WNK1: variants seen among roughly 807,000 people sequenced by gnomAD.
WNK1 encodes serine/threonine-protein kinase WNK1.
WNK1 carries 38 observed loss-of-function variants against 222.8 expected under a neutral mutation model. That is an observed-to-expected ratio of 0.17 (90% CI 0.13 to 0.22). WNK1 has a LOEUF of 0.22. Among genes scored for constraint, WNK1 ranks in the 10% least tolerant of loss-of-function variants. The pLI is 1.00. For synonymous variants in WNK1, 1,090 were observed against 1,092.9 expected (o/e 1.00, Z 0.05); for missense variants, 2,348 against 2,918.4 (o/e 0.80, Z 4.50).
intron 2 of WNK1, among the ~76,000 whole-genome samples, chr12:821,042 G>GTTTTTTTTTTTTTT (rs60880879): frequency 2.5e-5 from 2 of 79,116 alleles, no homozygotes; most frequent in Non-Finnish European, 4.4e-5. Flanking sequence ...AGTTTCTTGA[G>GTTTTTTTTTTTTTT]TTTTTTTTTT....
At chr12:804,433 C>T (rs1377739981) in intron 1 of WNK1, among the ~76,000 whole-genome samples, 2 of 142,766 alleles carry the variant, frequency 1.4e-5, no homozygotes, top group Non-Finnish European at 3.1e-5. Flanking sequence ...TTTTTTTTGG[C>T]GCGATCTCAG....
At chr12:769,257 G>A (rs910906153) in intron 1 of WNK1, among the ~76,000 whole-genome samples, 2 of 151,870 alleles carry the variant, frequency 1.3e-5, no homozygotes, top group African/African-American at 4.8e-5. Flanking sequence ...GGAGTGCAGT[G>A]GCACCATCTC....
At chr12:878,855 A>G (rs1294089280) in intron 10 of WNK1, among the ~76,000 whole-genome samples, 1 of 150,074 alleles carries the variant, frequency 6.7e-6, no homozygotes, top group Non-Finnish European at 1.5e-5. Flanking sequence ...TTTCTGAATG[A>G]CCTTTTTTCA....
rs370328183 is a variant in WNK1 at position 852,386 on chromosome 12, G to T, written c.1312-4775G>T. Among the ~76,000 whole-genome samples, 173 of 152,166 alleles carry T rather than the reference G, an allele frequency of 1.1e-3. 5 individuals carry two copies. In the South Asian group the frequency reaches 0.034, roughly 30 times the overall value. On this transcript the variant is annotated intron_variant, in intron 4 of 27. Coordinates refer to ENST00000315939, the MANE Select transcript of WNK1 (RefSeq NM_018979.4). ...TGTGTTTTGTAATGAGTGTACAATA[G>T]ATATTCAAGAAATACTTATATTTAA... is the stretch of plus-strand genomic sequence containing the variant.
chr12:826,927 T>G, intron 2 of WNK1, 115 bp from the exon 3 acceptor site: 1 of 786,308 alleles, frequency 1.3e-6, no homozygotes, highest in Middle Eastern at 3.6e-4. Context: ...TTACTGAATC[T>G]TAGTATGCTA....
At position 879,758 on chromosome 12, in the gene WNK1, G is replaced by A. The variant is rs148818308; in HGVS notation, c.2559G>A (p.Thr853=). Residue 853 remains threonine, a synonymous_variant, in exon 11 of 28, where the codon ACG becomes ACA. Transcript: ENST00000315939. ...CCATATCAACTCCTCATGTGTCTAC[G>A]GCTCAGACAGGTTTCTCATCCCTTC... The part of the protein sequence containing the change: ...QIPISTPHVS[T]AQTGFSSLPI... The A allele has an allele frequency of 1.2e-5, 19 of 1,613,690 alleles. 1 individual carries two copies. The South Asian group carries it at 1.5e-4, about 13-fold the overall frequency.
chr12:899,133 G>A (rs371272390), intron 25 of WNK1, among the ~76,000 whole-genome samples: 1 of 152,130 alleles, frequency 6.6e-6, no homozygotes, highest in Non-Finnish European at 1.5e-5. Context: ...AGTAAAAGAA[G>A]GTTAAAATAT....
chr12:868,891 A>G, intron 8 of WNK1: 1 of 1,608,394 alleles, frequency 6.2e-7, no homozygotes, highest in East Asian at 2.2e-5. Context: ...ATTCCTCACA[A>G]ATCACTTCTT....
intron 1 of WNK1, among the ~76,000 whole-genome samples, chr12:766,612 G>GGGACTACA (rs1296146116): frequency 6.6e-6 from 1 of 151,322 alleles, no homozygotes; most frequent in African/African-American, 2.4e-5. Context: ...CCGAGTAGCT[G>GGGACTACA]GGACTACAGG....
intron 4 of WNK1, among the ~76,000 whole-genome samples, chr12:832,758 T>C (rs1256120485): frequency 3.3e-5 from 5 of 152,228 alleles, no homozygotes; most frequent in Non-Finnish European, 7.3e-5. Context: ...AACCTCTTCT[T>C]AATACTCACC....
rs894061937 is a variant in WNK1, at chr12:767,366, C to T, written c.759+13042C>T. ...CTCCCGGATTCAAGCAATTCTCCTG[C>T]CTCAGCCTGCTGAGTAGCTGGGATT... On this transcript the variant is annotated intron_variant, in intron 1 of 27. Coordinates refer to ENST00000315939, the MANE Select transcript of WNK1 (RefSeq NM_018979.4). Among the ~76,000 whole-genome samples, 230 of 150,316 alleles carry T rather than the reference C, an allele frequency of 1.5e-3. 1 individual carries two copies. Among genetic ancestry groups the T allele is most frequent in the African/African-American group, 5.2e-3 (214 of 40,868 alleles).
intron 1 of WNK1, among the ~76,000 whole-genome samples, chr12:807,113 C>T (rs570605405): frequency 2.1e-5 from 3 of 143,896 alleles, no homozygotes; most frequent in South Asian, 2.3e-4. Flanking sequence ...ACCCTTGTGG[C>T]GGGGTGGGGG....
chr12:878,074 GA>G, intron 9 of WNK1, 137 bp from the exon 10 acceptor site: 1 of 1,049,966 alleles, frequency 9.5e-7, no homozygotes, highest in Non-Finnish European at 1.4e-6. Context: ...GGAAATTGAT[GA>G]ATTTGGGTTT....
In WNK1 at chr12:753,760, C is replaced by T; in HGVS notation, c.195C>T (p.Ser65=). The change falls in exon 1 of 28, where the codon AGC becomes AGT. Residue 65 remains serine, a synonymous_variant. Coordinates refer to ENST00000315939, the MANE Select transcript of WNK1 (RefSeq NM_018979.4). This position sits in a 1 kb window ranked among gnomAD's most constrained non-coding sequence, Gnocchi z 5.2. ...RRRRHTMDKD[S]RGAAATTTTT... ...GCCGCCACACTATGGACAAGGACAG[C>T]CGTGGGGCGGCCGCGACCACTACCA... The T allele has an allele frequency of 6.2e-7, 1 of 1,612,310 alleles. No individual in the cohort carries two copies. The highest frequency in any genetic ancestry group is 8.5e-7 in the Non-Finnish European group (1 of 1,179,904).
In WNK1 at chr12:911,426, C is replaced by G. The variant is rs1268562594; in HGVS notation, c.*2634C>G. 1 of 398,566 alleles carries G rather than the reference C, an allele frequency of 2.5e-6. No individual in the cohort carries two copies. Among genetic ancestry groups the G allele is most frequent in the Non-Finnish European group, 4.4e-6 (1 of 226,028 alleles). The allele number at this position is 398,566 out of a possible 1,614,324, so 24.7% of individuals were successfully genotyped here. ...TGTAGACTTATTTAATGAAACCATTCAAATAAACCAAACTTGCTTTTGTTG... is the reference window on the plus strand; with the variant it reads ...TGTAGACTTATTTAATGAAACCATTGAAATAAACCAAACTTGCTTTTGTTG... On this transcript the variant is annotated 3_prime_UTR_variant, in exon 28 of 28. Coordinates refer to ENST00000315939, the MANE Select transcript of WNK1 (RefSeq NM_018979.4).
At chr12:857,280 T>C (rs1950858488) in intron 5 of WNK1, 31 bp downstream of exon 5, 2 of 1,588,194 alleles carry the variant, frequency 1.3e-6, no homozygotes, top group Admixed American at 3.3e-5. Context: ...TGGGTGATAC[T>C]TGAACAAAAC....
chr12:778,632 A>G (rs1276296497), intron 1 of WNK1, among the ~76,000 whole-genome samples: 2 of 148,462 alleles, frequency 1.3e-5, no homozygotes, highest in Non-Finnish European at 3.0e-5. Context: ...TGCCCGGCCA[A>G]TGATCTTTTT....
At chr12:782,483 G>A (rs774011122) in intron 1 of WNK1, among the ~76,000 whole-genome samples, 3 of 152,086 alleles carry the variant, frequency 2.0e-5, no homozygotes, top group Non-Finnish European at 4.4e-5. Context: ...ATTACTCTGC[G>A]GTTCCTAAGT....
Position 827,339 on chromosome 12 carries a change from T to C in WNK1, c.1153+77T>C, listed in dbSNP as rs1329314709. On this transcript the variant is annotated intron_variant, in intron 3 of 27. Coordinates refer to ENST00000315939, the MANE Select transcript of WNK1 (RefSeq NM_018979.4). This position sits in a 1 kb window ranked among gnomAD's most constrained non-coding sequence, Gnocchi z 4.6. The stretch of plus-strand genomic sequence containing the variant: ...ATTTAGAATCCTGGCTCTGTCAGAG[T>C]TTTAAGTGATATAAACCTTAAGAAA... 1.5e-6 allele frequency: 2 copies of C among 1,300,220 alleles called. No homozygotes were observed. Among genetic ancestry groups the C allele is most frequent in the Non-Finnish European group, 2.2e-6 (2 of 896,222 alleles). The allele number at this position is 1,300,220 out of a possible 1,614,324, so 80.5% of individuals were successfully genotyped here.
Sources: allele counts gnomAD v4.1 joint callset (sites outside exome capture counted in the v4.1 genomes callset), GRCh38; gene constraint gnomAD v4.1.1; non-coding constraint Gnocchi (gnomAD v3.1); transcripts MANE v1.5; gene names NCBI Gene and HGNC (gene_info 2026-07-23, HGNC 2026-07-21).